Variants in RNF182 observed in about 807,000 individuals in gnomAD.
The protein encoded by RNF182 is ring finger protein 182, also known as E3 ubiquitin-protein ligase RNF182.
RNF182 carries 15 observed loss-of-function variants against 14.4 expected under a neutral mutation model. That is an observed-to-expected ratio of 1.04 (90% confidence interval 0.70 to 1.60). The LOEUF (loss-of-function observed/expected upper bound fraction) is 1.60, where lower values mean the gene tolerates loss of function less well. RNF182 is among the 40% of genes most tolerant of loss of function. The pLI is 0.00. For synonymous variants in RNF182, 128 were observed against 122.9 expected (o/e 1.04, Z -0.27); for missense variants, 268 against 294.8 (o/e 0.91, Z 0.67).
At chr6:13,933,716 A>G (rs753215201) in intron 1 of RNF182, among the ~76,000 whole-genome samples, 1 of 152,148 alleles carries the variant, frequency 6.6e-6, no homozygotes, top group South Asian at 2.1e-4. Context: ...TGGAGGATAT[A>G]TTTTCAGCAG....
intron 1 of RNF182, among the ~76,000 whole-genome samples, chr6:13,945,207 A>G (rs1054854191): frequency 9.9e-5 from 15 of 152,218 alleles, no homozygotes; most frequent in African/African-American, 3.6e-4. Flanking sequence ...TGACCCAGAA[A>G]GTTTAAGTGA....
intron 1 of RNF182, among the ~76,000 whole-genome samples, chr6:13,927,451 C>T (rs756118344): frequency 1.3e-5 from 2 of 152,070 alleles, no homozygotes; most frequent in Non-Finnish European, 1.5e-5. Context: ...TTTTAGCTTA[C>T]GGGTTTTAAT....
chr6:13,936,626 C>G (rs769466102), intron 1 of RNF182, among the ~76,000 whole-genome samples: 1 of 152,226 alleles, frequency 6.6e-6, no homozygotes, highest in Non-Finnish European at 1.5e-5. Flanking sequence ...TAGCCCTACC[C>G]TCCTGAGGCT....
chr6:13,930,371 C>T (rs1390982877), intron 1 of RNF182, among the ~76,000 whole-genome samples: 1 of 152,180 alleles, frequency 6.6e-6, no homozygotes, highest in Non-Finnish European at 1.5e-5. Context: ...TACATATTTT[C>T]TGTGGTATTG....
chr6:13,953,841 G>T lies in RNF182; in HGVS notation c.-366-20369G>T, dbSNP rs1031509073. Among the ~76,000 whole-genome samples, 5 of 152,228 alleles carry T rather than the reference G, an allele frequency of 3.3e-5. No homozygotes were observed. The East Asian group carries it at 5.8e-4, about 18-fold the overall frequency. ...CCTCTAGACTGTATATTTCTTGAAG[G>T]TGAGGCCATCGCCAGCACCTAGCCC... On this transcript the variant is annotated intron_variant, in intron 1 of 2. Coordinates refer to ENST00000488300, the MANE Select transcript of RNF182 (RefSeq NM_152737.4).
intron 1 of RNF182, among the ~76,000 whole-genome samples, chr6:13,963,995 T>TG (rs1378199340): frequency 1.3e-5 from 2 of 151,312 alleles, no homozygotes; most frequent in Admixed American, 1.3e-4. Flanking sequence ...CATGAAAAAG[T>TG]GGGGAAGAAG....
At chr6:13,966,829 TGC>T (rs925789812) in intron 1 of RNF182, among the ~76,000 whole-genome samples, 3 of 106,934 alleles carry the variant, frequency 2.8e-5, no homozygotes, top group African/African-American at 9.7e-5. Context: ...TGTGTGCGCG[TGC>T]GTGTGTGTGT....
chr6:13,935,413 A>G (rs1361395403), intron 1 of RNF182, among the ~76,000 whole-genome samples: 1 of 152,064 alleles, frequency 6.6e-6, no homozygotes, highest in Non-Finnish European at 1.5e-5. Context: ...TTTCACACAC[A>G]CAAGATATGT....
chr6:13,954,442 A>C (rs1759678611), intron 1 of RNF182, among the ~76,000 whole-genome samples: 1 of 152,210 alleles, frequency 6.6e-6, no homozygotes, highest in Non-Finnish European at 1.5e-5. Context: ...GTCTATAGCA[A>C]GCTTTTCTAA....
At position 13,925,041 on chromosome 6, in the gene RNF182, G is replaced by GAGTC. The variant is rs1758779758; in HGVS notation, c.-367+18_-367+19insAGTC. ...CCGGCCAGGTAAGGCGATCGCGCCC[G>GAGTC]CGGCCGGGGAGGGGTCGGCGGGACG... On this transcript the variant is annotated intron_variant, in intron 1 of 2. Transcript: ENST00000488300. 2 of 149,936 alleles carry GAGTC rather than the reference G, an allele frequency of 1.3e-5. No individual in the cohort carries two copies. The highest frequency in any genetic ancestry group is 6.7e-5 in the Admixed American group (1 of 14,996). The allele number at this position is 149,936 out of a possible 1,614,324, so 9.3% of individuals were successfully genotyped here. A position where few individuals can be genotyped will look rare whatever the true frequency, so the allele number is the denominator to read the frequency against.
chr6:13,969,568 A>G (rs1435504140), intron 1 of RNF182, among the ~76,000 whole-genome samples: 2 of 152,182 alleles, frequency 1.3e-5, no homozygotes, highest in Non-Finnish European at 2.9e-5. Context: ...GTAGACAATA[A>G]CAACAGGTGT....
At chr6:13,934,514 C>T (rs551932973) in intron 1 of RNF182, among the ~76,000 whole-genome samples, 1 of 152,296 alleles carries the variant, frequency 6.6e-6, no homozygotes, top group East Asian at 1.9e-4. Flanking sequence ...TGAGTGACTT[C>T]TCCAACAATG....
chr6:13,967,733 T>C (rs1010552026), intron 1 of RNF182, among the ~76,000 whole-genome samples: 1 of 152,176 alleles, frequency 6.6e-6, no homozygotes, highest in African/African-American at 2.4e-5. Context: ...TTAAAATTTA[T>C]TAATTTTTTT....
At chr6:13,964,203 C>T (rs1012435347) in intron 1 of RNF182, among the ~76,000 whole-genome samples, 7 of 152,028 alleles carry the variant, frequency 4.6e-5, no homozygotes, top group African/African-American at 1.4e-4. Flanking sequence ...GAAAATGATT[C>T]TCATACCCTT....
chr6:13,968,378 C>T (rs2113641118), intron 1 of RNF182, among the ~76,000 whole-genome samples: 1 of 152,122 alleles, frequency 6.6e-6, no homozygotes, highest in Middle Eastern at 3.4e-3. Context: ...AAGAAATGAA[C>T]ATTTGAATAG....
Position 13,977,339 on chromosome 6 carries a change from C to T in RNF182, c.220C>T (p.Pro74Ser), listed in dbSNP as rs761399697. The stretch of plus-strand genomic sequence containing the variant: ...TTTCTGCAGGTTTGAGACGTGCCTG[C>T]CAGATGATGAAGTTAGTAGCCTGCC... ...CPFCRFETCL[P>S]DDEVSSLPDD... The change falls in exon 3 of 3, where the codon CCA (proline) becomes TCA (serine). Residue 74 changes from proline (P) to serine (S), a missense_variant. Coordinates refer to ENST00000488300, the MANE Select transcript of RNF182 (RefSeq NM_152737.4). 2.0e-5 allele frequency: 33 copies of T among 1,614,048 alleles called. No individual in the cohort carries two copies. Among genetic ancestry groups the T allele is most frequent in the Non-Finnish European group, 2.8e-5 (33 of 1,180,026 alleles).
chr6:13,960,656 AGTGT>A (rs745687828), intron 1 of RNF182, among the ~76,000 whole-genome samples: 4,131 of 133,102 alleles, frequency 0.031, 96 homozygotes, highest in Admixed American at 0.087. Flanking sequence ...GGAGAGAGAG[AGTGT>A]GTGTGTGTGT....
intron 1 of RNF182, among the ~76,000 whole-genome samples, chr6:13,960,641 TGGAG>T (rs1270737316): frequency 9.8e-4 from 140 of 143,084 alleles, no homozygotes; most frequent in Non-Finnish European, 1.5e-3. Flanking sequence ...ACTTTTTTGA[TGGAG>T]GGAGAGAGAG....
chr6:13,949,390 TA>T, intron 1 of RNF182: 2 of 751,598 alleles, frequency 2.7e-6, no homozygotes. Context: ...CATTCATTTG[TA>T]CACAAAAAGG....
Sources: gnomAD v4.1 joint callset for allele counts (sites outside exome capture counted in the v4.1 genomes callset) on GRCh38, gnomAD v4.1.1 for gene constraint, MANE v1.5 for transcripts, NCBI Gene and HGNC (gene_info 2026-07-23, HGNC 2026-07-21) for gene names.